ITGA9: variants seen among roughly 807,000 people sequenced by gnomAD.
ITGA9 encodes integrin alpha-9.
A neutral mutation model predicts 127.8 loss-of-function variants in ITGA9; 56 were observed. The ratio of observed to expected loss-of-function variants is 0.44; its 90% confidence interval spans 0.35 to 0.55. The LOEUF (loss-of-function observed/expected upper bound fraction) is 0.55. ITGA9 is among the 20% of genes least tolerant of loss of function. The pLI is 0.00. For missense variants in ITGA9, 1,196 were observed against 1,347.1 expected, an observed-to-expected ratio of 0.89 and a Z score of 1.76; for synonymous variants, 508 against 514.5, an observed-to-expected ratio of 0.99 and a Z score of 0.17.
intron 15 of ITGA9, among the ~76,000 whole-genome samples, chr3:37,574,902 G>C (rs971470788): frequency 3.3e-5 from 5 of 152,156 alleles, no homozygotes; most frequent in African/African-American, 1.2e-4. Context: ...TCTGGACCTG[G>C]AACTCATTCT....
At chr3:37,566,705 C>T (rs1210430719) in intron 15 of ITGA9, among the ~76,000 whole-genome samples, 1 of 152,174 alleles carries the variant, frequency 6.6e-6, no homozygotes, top group Non-Finnish European at 1.5e-5. Context: ...TGGTCATTGC[C>T]TCTGGCTTGT....
intron 17 of ITGA9, among the ~76,000 whole-genome samples, chr3:37,679,653 G>A (rs1008413772): frequency 6.6e-6 from 1 of 152,070 alleles, no homozygotes; most frequent in Non-Finnish European, 1.5e-5. Flanking sequence ...TGCTAGGAGA[G>A]ACCAACCTCT....
At chr3:37,638,749 G>A (rs780898615) in intron 16 of ITGA9, among the ~76,000 whole-genome samples, 1 of 152,212 alleles carries the variant, frequency 6.6e-6, no homozygotes, top group Non-Finnish European at 1.5e-5. Flanking sequence ...AAATCATGAT[G>A]ACCTTTTAGA....
intron 18 of ITGA9, among the ~76,000 whole-genome samples, chr3:37,688,612 C>G (rs1183899839): frequency 6.6e-6 from 1 of 152,168 alleles, no homozygotes; most frequent in Non-Finnish European, 1.5e-5. Flanking sequence ...CCTTTCTCCC[C>G]AGACCCCTGG....
intron 18 of ITGA9, among the ~76,000 whole-genome samples, chr3:37,711,367 G>A (rs1482689355): frequency 6.6e-6 from 1 of 152,142 alleles, no homozygotes; most frequent in African/African-American, 2.4e-5. Context: ...GCAGAAGCTC[G>A]CCTTTCCATG....
intron 15 of ITGA9, among the ~76,000 whole-genome samples, chr3:37,615,803 G>A (rs373423430): frequency 0.024 from 3,682 of 151,864 alleles, 124 homozygotes; most frequent in African/African-American, 0.082. Context: ...CTGTGGGATC[G>A]GTGGTGATAT....
At chr3:37,598,209 G>A (rs1250810099) in intron 15 of ITGA9, among the ~76,000 whole-genome samples, 1 of 152,018 alleles carries the variant, frequency 6.6e-6, no homozygotes, top group African/African-American at 2.4e-5. Flanking sequence ...TATGACGCAG[G>A]TATAGAAATA....
chr3:37,566,283 T>C (rs2125602449), intron 15 of ITGA9, among the ~76,000 whole-genome samples: 1 of 152,270 alleles, frequency 6.6e-6, no homozygotes, highest in African/African-American at 2.4e-5. Flanking sequence ...GATTAATGGG[T>C]AGTAGTGTAA....
chr3:37,546,662 A>G (rs1346151988), intron 15 of ITGA9, among the ~76,000 whole-genome samples: 1 of 152,176 alleles, frequency 6.6e-6, no homozygotes, highest in Non-Finnish European at 1.5e-5. Context: ...GATACTTGTC[A>G]GGCAGAACCT....
chr3:37,749,504 A>C (rs558102654), intron 22 of ITGA9: 1 of 150,360 alleles, frequency 6.7e-6, no homozygotes, highest in Admixed American at 6.6e-5. Context: ...GGCAACCGCT[A>C]ATCTACTTTC....
At chr3:37,616,453 T>C (rs1292880422) in intron 15 of ITGA9, among the ~76,000 whole-genome samples, 1 of 152,174 alleles carries the variant, frequency 6.6e-6, no homozygotes. Flanking sequence ...TGATTTGGGG[T>C]GGAGAGTTCT....
chr3:37,648,192 C>T (rs1300217306), intron 16 of ITGA9, among the ~76,000 whole-genome samples: 2 of 152,098 alleles, frequency 1.3e-5, no homozygotes, highest in Admixed American at 6.5e-5. Flanking sequence ...CACTTTTTAT[C>T]TCTTGTCGTT....
In ITGA9 at chr3:37,823,176, A is replaced by T. The variant is rs1697534087; in HGVS notation, c.*4187A>T. 6.6e-6 allele frequency: 1 copy of T among 152,180 alleles called. No individual in the cohort carries two copies. Among genetic ancestry groups the T allele is most frequent in the Non-Finnish European group, 1.5e-5 (1 of 68,044 alleles). 9.4% of individuals were successfully genotyped at this position (152,180 alleles called of 1,614,324 possible). ...TCGTGCAATGCTTTATAGCACAATG[A>T]TCTAGATTTCAGACTGTGTTAAGGT... On this transcript the variant is annotated 3_prime_UTR_variant, in exon 28 of 28. Coordinates refer to ENST00000264741, the MANE Select transcript of ITGA9 (RefSeq NM_002207.3).
chr3:37,782,969 C>A (rs1696994801), intron 25 of ITGA9, among the ~76,000 whole-genome samples: 1 of 152,128 alleles, frequency 6.6e-6, no homozygotes, highest in South Asian at 2.1e-4. Flanking sequence ...GAAACCCCAT[C>A]TCTACTAAAA....
At chr3:37,713,946 T>G (rs1474386362) in intron 18 of ITGA9, among the ~76,000 whole-genome samples, 2 of 152,172 alleles carry the variant, frequency 1.3e-5, no homozygotes, top group Non-Finnish European at 2.9e-5. Context: ...AAACATTTCC[T>G]CCCCTGGTAG....
At position 37,814,784 on chromosome 3, in the gene ITGA9, C is replaced by G. The variant is rs1697410172; in HGVS notation, c.3010-4107C>G. On this transcript the variant is annotated intron_variant, in intron 27 of 27. Coordinates refer to ENST00000264741, the MANE Select transcript of ITGA9 (RefSeq NM_002207.3). The surrounding 1 kb of genome is among the most constrained non-coding windows in gnomAD (Gnocchi z 4.3). ...ATAAACTTATACACATACATGATAT[C>G]TGTGATGTGAGTGGTATCCCCCAGC... is the stretch of plus-strand genomic sequence containing the variant. Among the ~76,000 whole-genome samples the G allele has an allele frequency of 6.6e-6, 1 of 152,190 alleles. No individual in the cohort carries two copies. The highest frequency in any genetic ancestry group is 1.5e-5 in the Non-Finnish European group (1 of 68,046).
chr3:37,779,733 C>T (rs1696952740), intron 24 of ITGA9, among the ~76,000 whole-genome samples, 169 bp from the exon 25 acceptor site: 1 of 152,142 alleles, frequency 6.6e-6, no homozygotes, highest in South Asian at 2.1e-4. Flanking sequence ...GTGGGAAATC[C>T]CTTGAATGCC....
intron 5 of ITGA9, among the ~76,000 whole-genome samples, chr3:37,502,551 G>A (rs185205746): frequency 2.6e-5 from 4 of 152,286 alleles, no homozygotes; most frequent in African/African-American, 9.6e-5. Flanking sequence ...GTCTATTGCT[G>A]CCTTGTGGTC....
Position 37,457,044 on chromosome 3 carries a change from A to G in ITGA9, c.185+4485A>G, listed in dbSNP as rs566697861. Among the ~76,000 whole-genome samples, 4 of 152,318 alleles carry G rather than the reference A, an allele frequency of 2.6e-5. 1 individual carries two copies. In the East Asian group the frequency reaches 5.8e-4, roughly 22 times the overall value. On this transcript the variant is annotated intron_variant, in intron 1 of 27. Coordinates refer to ENST00000264741, the MANE Select transcript of ITGA9 (RefSeq NM_002207.3). ...GGTTTAGAGCAATGATGTAAGTCTTAAAGGGCTAGACAAGGATCAAAAGGA... is the reference window on the plus strand; with the variant it reads ...GGTTTAGAGCAATGATGTAAGTCTTGAAGGGCTAGACAAGGATCAAAAGGA...
Sources: gnomAD v4.1 joint callset for allele counts (sites outside exome capture counted in the v4.1 genomes callset) on GRCh38, gnomAD v4.1.1 for gene constraint, Gnocchi (gnomAD v3.1) non-coding constraint, MANE v1.5 for transcripts, NCBI Gene and HGNC (gene_info 2026-07-23, HGNC 2026-07-21) for gene names.